The following RAB20 variants were observed in gnomAD, a reference collection of about 807,000 sequenced individuals.
The protein encoded by RAB20 is ras-related protein Rab-20.
Under a neutral mutation model 3.7 loss-of-function variants are expected in RAB20, and 2 were observed. The observed-to-expected ratio is 0.54, with a 90% CI of 0.22 to 1.69. RAB20 has a LOEUF of 1.69. Among genes scored for constraint, RAB20 ranks in the 40% most tolerant of loss-of-function variants. The pLI is 0.19. For synonymous variants in RAB20, 126 were observed against 130.8 expected (o/e 0.96, Z 0.25); for missense variants, 276 against 311.9 (o/e 0.88, Z 0.87).
Position 110,523,430 on chromosome 13 carries a change from T to C in RAB20, c.*235A>G, listed in dbSNP as rs1884367220. 7.4e-6 allele frequency: 6 copies of C among 813,040 alleles called. No individual in the cohort carries two copies. The South Asian group carries it at 1.2e-4, about 16-fold the overall frequency. 50.4% of individuals were successfully genotyped at this position (813,040 alleles called of 1,614,324 possible). A position where few individuals can be genotyped will look rare whatever the true frequency, so the allele number is the denominator to read the frequency against. The stretch of plus-strand genomic sequence containing the variant: ...CACCAGGGGTCTCGACTCTGCAGAT[T>C]GGGCTTTGCAGAGGATTCCTGTTTC... On this transcript the variant is annotated 3_prime_UTR_variant, in exon 2 of 2. Coordinates refer to ENST00000267328, the MANE Select transcript of RAB20 (RefSeq NM_017817.3).
At chr13:110,550,153 G>A (rs984453624) in intron 1 of RAB20, among the ~76,000 whole-genome samples, 5 of 152,142 alleles carry the variant, frequency 3.3e-5, no homozygotes, top group African/African-American at 1.2e-4. Context: ...CAACAGGAAG[G>A]TGAAGAAGAA....
At chr13:110,524,347 T>C in intron 1 of RAB20, 150 bp from the exon 2 acceptor site, 1 of 1,269,262 alleles carries the variant, frequency 7.9e-7, no homozygotes. Context: ...ATGGAGAATG[T>C]GCCACCCATG....
At chr13:110,560,149 G>A (rs1259215338) in intron 1 of RAB20, among the ~76,000 whole-genome samples, 1 of 152,168 alleles carries the variant, frequency 6.6e-6, no homozygotes, top group Non-Finnish European at 1.5e-5. Flanking sequence ...TCAGTGTGAG[G>A]GAGTCAGCTC....
At chr13:110,531,693 C>A (rs973941514) in intron 1 of RAB20, among the ~76,000 whole-genome samples, 5 of 152,324 alleles carry the variant, frequency 3.3e-5, no homozygotes, top group Non-Finnish European at 7.4e-5. Flanking sequence ...ATGGATGCCA[C>A]CGTCCCAGGG....
intron 1 of RAB20, among the ~76,000 whole-genome samples, chr13:110,557,067 G>C (rs1000857306): frequency 1.3e-5 from 2 of 152,194 alleles, no homozygotes; most frequent in South Asian, 4.1e-4. Context: ...AGAAGGAAGC[G>C]AGAAGCATAG....
In RAB20 at chr13:110,557,331, T is replaced by C. The variant is rs962149963; in HGVS notation, c.172+4017A>G. ...ATTTTTCTTGCTGTTTATATTAAGA[T>C]GAGGAAGAACAGATAGGATGAGGGA... On this transcript the variant is annotated intron_variant, in intron 1 of 1. Coordinates refer to ENST00000267328, the MANE Select transcript of RAB20 (RefSeq NM_017817.3). Among the ~76,000 whole-genome samples the C allele has an allele frequency of 4.6e-5, 7 of 152,192 alleles. No homozygotes were observed. The East Asian group carries it at 9.6e-4, about 21-fold the overall frequency.
At chr13:110,531,084 G>C (rs1884531939) in intron 1 of RAB20, among the ~76,000 whole-genome samples, 2 of 152,338 alleles carry the variant, frequency 1.3e-5, no homozygotes, top group South Asian at 4.1e-4. Context: ...GAGTCCTCAG[G>C]GTTTATTATG....
chr13:110,533,500 C>T (rs1884583195), intron 1 of RAB20, among the ~76,000 whole-genome samples: 1 of 150,064 alleles, frequency 6.7e-6, no homozygotes, highest in African/African-American at 2.5e-5. Flanking sequence ...CTGGGTGACA[C>T]AGTGAGTCCC....
At chr13:110,557,271 TGAG>T (rs1885056909) in intron 1 of RAB20, among the ~76,000 whole-genome samples, 1 of 152,154 alleles carries the variant, frequency 6.6e-6, no homozygotes, top group South Asian at 2.1e-4. Context: ...GATATGTAGC[TGAG>T]GAGATTTCCA....
At chr13:110,537,843 C>T in intron 1 of RAB20, among the ~76,000 whole-genome samples, 1 of 152,118 alleles carries the variant, frequency 6.6e-6, no homozygotes, top group East Asian at 1.9e-4. Flanking sequence ...GCCCCAGTCA[C>T]AGGGGCCCTG....
chr13:110,528,572 C>T (rs1187315080), intron 1 of RAB20, among the ~76,000 whole-genome samples: 1 of 152,152 alleles, frequency 6.6e-6, no homozygotes, highest in African/African-American at 2.4e-5. Flanking sequence ...CTTCTACCCA[C>T]CAGATTTCAC....
chr13:110,524,478 C>T (rs1884393805), intron 1 of RAB20, among the ~76,000 whole-genome samples: 1 of 152,170 alleles, frequency 6.6e-6, no homozygotes, highest in South Asian at 2.1e-4. Context: ...ACACAGCCCT[C>T]CCTGCCTTCA....
Position 110,543,898 on chromosome 13 carries a change from C to T in RAB20, c.172+17450G>A, listed in dbSNP as rs144054627. 5.5e-3 allele frequency among the ~76,000 whole-genome samples: 836 copies of T among 151,850 alleles called. 7 individuals carry two copies. Among genetic ancestry groups the T allele is most frequent in the Non-Finnish European group, 0.01 (695 of 67,964 alleles). ...TCAACTGATTCTCCTGCCTTGGCCT[C>T]CTGAGTAGCAGGATTACAGGCACCT... On this transcript the variant is annotated intron_variant, in intron 1 of 1. Coordinates refer to ENST00000267328, the MANE Select transcript of RAB20 (RefSeq NM_017817.3).
At chr13:110,538,505 T>C (rs569491731) in intron 1 of RAB20, among the ~76,000 whole-genome samples, 4 of 142,934 alleles carry the variant, frequency 2.8e-5, no homozygotes, top group South Asian at 2.2e-4. Flanking sequence ...ACTGGGTAGG[T>C]TGGGGTGGGA....
chr13:110,552,020 T>C (rs1435339366), intron 1 of RAB20, among the ~76,000 whole-genome samples: 1 of 151,704 alleles, frequency 6.6e-6, no homozygotes, highest in Admixed American at 6.6e-5. Context: ...AAAGCTGCAG[T>C]GAGCCAAGAT....
chr13:110,536,732 G>GGGC (rs1884647314), intron 1 of RAB20, among the ~76,000 whole-genome samples: 1 of 104,154 alleles, frequency 9.6e-6, no homozygotes, highest in South Asian at 4.4e-4. Context: ...GGGGCGGTGG[G>GGGC]GGGGGGTTGT....
intron 1 of RAB20, among the ~76,000 whole-genome samples, chr13:110,538,769 G>A (rs764524067): frequency 1.3e-5 from 2 of 152,104 alleles, no homozygotes; most frequent in African/African-American, 4.8e-5. Context: ...CAGCAGGGGC[G>A]AGACCGTGAA....
chr13:110,557,668 A>G (rs568806691), intron 1 of RAB20, among the ~76,000 whole-genome samples: 1 of 152,348 alleles, frequency 6.6e-6, no homozygotes, highest in Admixed American at 6.5e-5. Flanking sequence ...CCCAGTCCCC[A>G]GAGACGCAGC....
rs534680727 is a variant in RAB20 at position 110,532,937 on chromosome 13, T to A, written c.173-8740A>T. On this transcript the variant is annotated intron_variant, in intron 1 of 1. Transcript: ENST00000267328. ...TTCATGCTATATTCCCAACTTGGCC[T>A]CCCAAAGTGCTGGGGTCACAGGCAT... 3.3e-5 allele frequency among the ~76,000 whole-genome samples: 5 copies of A among 152,316 alleles called. No individual in the cohort carries two copies. The South Asian group carries it at 1.0e-3, about 32-fold the overall frequency.
Sources: gnomAD v4.1 joint callset for allele counts (sites outside exome capture counted in the v4.1 genomes callset) on GRCh38, gnomAD v4.1.1 for gene constraint, MANE v1.5 for transcripts, NCBI Gene and HGNC (gene_info 2026-07-23, HGNC 2026-07-21) for gene names.